Variants in LRRC7 observed in about 807,000 individuals in gnomAD.
The protein encoded by LRRC7 is leucine rich repeat containing 7.
LRRC7 carries 23 observed loss-of-function variants against 175.7 expected under a neutral mutation model. The observed-to-expected ratio is 0.13, with a 90% CI of 0.09 to 0.19. The LOEUF is 0.19. LRRC7 is among the 10% of genes least tolerant of loss of function. LRRC7 has a pLI of 1.00. For synonymous variants in LRRC7, 685 were observed against 680.9 expected (o/e 1.01, Z -0.09); for missense variants, 1,354 against 1,904.7 (o/e 0.71, Z 5.38).
rs1164676833 is a variant in LRRC7, at chr1:70,023,416, G to A, written c.1794+42G>A. 2.7e-6 allele frequency: 4 copies of A among 1,502,352 alleles called. No individual in the cohort carries two copies. The East Asian group carries it at 9.4e-5, about 35-fold the overall frequency. The allele number at this position is 1,502,352 out of a possible 1,614,324, so 93.1% of individuals were successfully genotyped here. ...GGGGTAGGAGAATCTCCCATGTAGA[G>A]GCAACCTTGGAACAGTGGTTTATGG... On this transcript the variant is annotated intron_variant, in intron 17 of 26. Coordinates refer to ENST00000651989, the MANE Select transcript of LRRC7 (RefSeq NM_001370785.2).
intron 18 of LRRC7, among the ~76,000 whole-genome samples, chr1:70,029,080 A>T (rs866270335): frequency 6.6e-6 from 1 of 152,322 alleles, no homozygotes; most frequent in African/African-American, 2.4e-5. Context: ...TCCAAAATCT[A>T]GAGTGGCAAA....
intron 8 of LRRC7, among the ~76,000 whole-genome samples, chr1:69,955,848 A>T (rs1183900310): frequency 6.6e-6 from 1 of 152,010 alleles, no homozygotes; most frequent in Non-Finnish European, 1.5e-5. Context: ...ACTAAATTAC[A>T]CAGCAGCAAT....
At chr1:69,947,930 C>T (rs925503515) in intron 8 of LRRC7, among the ~76,000 whole-genome samples, 1 of 152,104 alleles carries the variant, frequency 6.6e-6, no homozygotes, top group African/African-American at 2.4e-5. Flanking sequence ...CTCTCTCCCC[C>T]TCTTTCTCTC....
intron 20 of LRRC7, among the ~76,000 whole-genome samples, chr1:70,037,755 ATG>A (rs1336487335): frequency 6.6e-6 from 1 of 152,182 alleles, no homozygotes; most frequent in African/African-American, 2.4e-5. Flanking sequence ...CCTTCAACAA[ATG>A]TGTATTTAAT....
chr1:69,840,210 T>C (rs1434053859), intron 7 of LRRC7, among the ~76,000 whole-genome samples: 1 of 151,878 alleles, frequency 6.6e-6, no homozygotes, highest in Non-Finnish European at 1.5e-5. Flanking sequence ...ATAACTTTAG[T>C]TTTGGGTCTA....
In LRRC7 at chr1:70,013,006, T is replaced by C; in HGVS notation, c.1167T>C (p.Ser389=). 1 of 1,584,738 alleles carries C rather than the reference T, an allele frequency of 6.3e-7. No individual in the cohort carries two copies. Among genetic ancestry groups the C allele is most frequent in the Non-Finnish European group, 8.6e-7 (1 of 1,164,642 alleles). The change falls in exon 13 of 27, where the codon TCT becomes TCC. Residue 389 remains serine (S), a synonymous_variant. Coordinates refer to ENST00000651989, the MANE Select transcript of LRRC7 (RefSeq NM_001370785.2). ...IGSCKNVTVM[S]LRSNKLEFLP... ...GTTGTAAGAATGTAACAGTCATGTCTCTACGCTCCAACAAATTAGAATTTC... is the reference window on the plus strand; with the variant it reads ...GTTGTAAGAATGTAACAGTCATGTCCCTACGCTCCAACAAATTAGAATTTC...
intron 3 of LRRC7, among the ~76,000 whole-genome samples, chr1:69,761,390 A>G (rs1448781198): frequency 2.0e-5 from 3 of 152,064 alleles, no homozygotes; most frequent in Admixed American, 6.6e-5. Context: ...TAAATTATGA[A>G]TAATTATTTT....
intron 1 of LRRC7, among the ~76,000 whole-genome samples, chr1:69,642,668 A>AAATCAT (rs1438483192): frequency 1.3e-5 from 2 of 152,104 alleles, no homozygotes; most frequent in Non-Finnish European, 2.9e-5. Context: ...ATGCCAGTTA[A>AAATCAT]AAAGATATGC....
intron 2 of LRRC7, among the ~76,000 whole-genome samples, chr1:69,727,597 A>T (rs1380416150): frequency 6.6e-6 from 1 of 152,200 alleles, no homozygotes; most frequent in Non-Finnish European, 1.5e-5. Context: ...TAAAATTACC[A>T]TACTTTACAG....
intron 5 of LRRC7, 68 bp from the exon 6 acceptor site, chr1:69,834,712 A>G (rs1164543821): frequency 5.4e-6 from 6 of 1,108,874 alleles, no homozygotes; most frequent in Non-Finnish European, 8.2e-6. Flanking sequence ...CCTCAGAGAT[A>G]CATATTTTTT....
intron 23 of LRRC7, among the ~76,000 whole-genome samples, chr1:70,068,559 G>GT (rs1194501913): frequency 1.3e-5 from 2 of 151,576 alleles, no homozygotes; most frequent in South Asian, 2.1e-4. Flanking sequence ...GTTTATAGTG[G>GT]TTTTTTTCTT....
intron 2 of LRRC7, among the ~76,000 whole-genome samples, chr1:69,743,549 T>C (rs1668943187): frequency 6.6e-6 from 1 of 151,880 alleles, no homozygotes; most frequent in South Asian, 2.1e-4. Flanking sequence ...CGTCCAACAT[T>C]CCAGCATTGT....
intron 1 of LRRC7, among the ~76,000 whole-genome samples, chr1:69,617,069 T>C (rs139283852): frequency 6.6e-6 from 1 of 152,196 alleles, no homozygotes; most frequent in East Asian, 1.9e-4. Context: ...CATCTATATA[T>C]CCCAAGCTGC....
intron 6 of LRRC7, among the ~76,000 whole-genome samples, chr1:69,835,717 TGGACA>T (rs1207070102): frequency 6.6e-6 from 1 of 152,016 alleles, no homozygotes; most frequent in Non-Finnish European, 1.5e-5. Flanking sequence ...CTAGGATTTA[TGGACA>T]AGTTTATTGT....
At chr1:69,612,604 C>T (rs1483390348) in intron 1 of LRRC7, among the ~76,000 whole-genome samples, 1 of 151,808 alleles carries the variant, frequency 6.6e-6, no homozygotes, top group African/African-American at 2.4e-5. Context: ...AAGGGAATAC[C>T]CATAATGGTG....
At chr1:69,790,479 G>A (rs921565071) in intron 3 of LRRC7, among the ~76,000 whole-genome samples, 8 of 152,096 alleles carry the variant, frequency 5.3e-5, no homozygotes, top group African/African-American at 1.7e-4. Context: ...AACAAATTGT[G>A]TTTTGAAGAT....
At chr1:69,795,189 G>A (rs1043958457) in intron 4 of LRRC7, among the ~76,000 whole-genome samples, 2 of 152,136 alleles carry the variant, frequency 1.3e-5, no homozygotes, top group Non-Finnish European at 2.9e-5. Flanking sequence ...AGACCAGCCA[G>A]GCCAACATGG....
intron 1 of LRRC7, among the ~76,000 whole-genome samples, chr1:69,665,447 A>G (rs1658128597): frequency 6.6e-6 from 1 of 152,232 alleles, no homozygotes; most frequent in African/African-American, 2.4e-5. Context: ...GATTCTTCCA[A>G]TTCATGAACA....
chr1:69,767,711 G>A (rs1312750911), intron 3 of LRRC7, among the ~76,000 whole-genome samples: 2 of 152,048 alleles, frequency 1.3e-5, no homozygotes, highest in South Asian at 2.1e-4. Flanking sequence ...ATCCTACTGC[G>A]TTGGCCTCCC....
Sources: gnomAD v4.1 joint callset for allele counts (sites outside exome capture counted in the v4.1 genomes callset) on GRCh38, gnomAD v4.1.1 for gene constraint, MANE v1.5 for transcripts, NCBI Gene and HGNC (gene_info 2026-07-23, HGNC 2026-07-21) for gene names.